Variants in TNRC6B observed in about 807,000 individuals in gnomAD.
TNRC6B encodes trinucleotide repeat-containing gene 6B protein.
Under a neutral mutation model 203.6 loss-of-function variants are expected in TNRC6B, and 52 were observed. That is an observed-to-expected ratio of 0.26 (90% CI 0.20 to 0.32). The LOEUF (loss-of-function observed/expected upper bound fraction) is 0.32, where lower values mean the gene tolerates loss of function less well. Ranked by LOEUF, TNRC6B falls within the 10% of genes least tolerant of loss-of-function variation. The pLI is 1.00. For synonymous variants in TNRC6B, 838 were observed against 845.7 expected (o/e 0.99, Z 0.16); for missense variants, 1,923 against 2,286.2 (o/e 0.84, Z 3.24).
At chr22:40,211,991 A>G (rs1004813375) in intron 1 of TNRC6B, among the ~76,000 whole-genome samples, 6 of 152,180 alleles carry the variant, frequency 3.9e-5, no homozygotes, top group Admixed American at 1.3e-4. Context: ...CGCTTTTGCA[A>G]TTACAAATGT....
At chr22:40,275,646 T>G (rs2070631359) in intron 7 of TNRC6B, among the ~76,000 whole-genome samples, 1 of 152,050 alleles carries the variant, frequency 6.6e-6, no homozygotes, top group Non-Finnish European at 1.5e-5. Flanking sequence ...CTCCCTCTAG[T>G]GAGGGCTTTT....
At chr22:40,237,346 T>C (rs1569033029) in intron 1 of TNRC6B, among the ~76,000 whole-genome samples, 1 of 151,914 alleles carries the variant, frequency 6.6e-6, no homozygotes, top group African/African-American at 2.4e-5. Flanking sequence ...GGTTGTGAGG[T>C]GAGGTAGGAC....
chr22:40,283,675 CAT>C (rs1339626438), intron 11 of TNRC6B, among the ~76,000 whole-genome samples: 1 of 152,074 alleles, frequency 6.6e-6, no homozygotes, highest in East Asian at 1.9e-4. Flanking sequence ...CCAGATATAT[CAT>C]AGTGCTTTGT....
At chr22:40,227,074 T>G (rs1400014031) in intron 1 of TNRC6B, among the ~76,000 whole-genome samples, 1 of 93,518 alleles carries the variant, frequency 1.1e-5, no homozygotes, top group Non-Finnish European at 2.1e-5. Flanking sequence ...CACACCCAGC[T>G]AATTATTATT....
At chr22:40,060,138 T>C (rs1200664692) in intron 1 of TNRC6B, among the ~76,000 whole-genome samples, 1 of 149,536 alleles carries the variant, frequency 6.7e-6, no homozygotes, top group Non-Finnish European at 1.5e-5. Context: ...CCATCATTTT[T>C]TTTTTCTTTT....
At position 40,334,804 on chromosome 22, in the gene TNRC6B, C is replaced by G. The variant is rs887458327; in HGVS notation, c.*11563C>G. 1.3e-5 allele frequency: 2 copies of G among 152,506 alleles called. No individual in the cohort carries two copies. Among genetic ancestry groups the G allele is most frequent in the Admixed American group, 6.5e-5 (1 of 15,278 alleles). The allele number at this position is 152,506 out of a possible 1,614,324, so 9.4% of individuals were successfully genotyped here. Reference sequence around the variant, plus strand: ...CTTCCTTCCTCCTCTCCTCCTCCCTCCACGTCTCTCTTTGCCCCCTTTAGA... The same window carrying G: ...CTTCCTTCCTCCTCTCCTCCTCCCTGCACGTCTCTCTTTGCCCCCTTTAGA... On this transcript the variant is annotated 3_prime_UTR_variant, in exon 23 of 23. Transcript: ENST00000454349.
At chr22:40,111,987 G>T (rs1016592768) in intron 1 of TNRC6B, among the ~76,000 whole-genome samples, 1 of 152,202 alleles carries the variant, frequency 6.6e-6, no homozygotes, top group African/African-American at 2.4e-5. Flanking sequence ...TGTAATTCCA[G>T]CTACTTGGGA....
At chr22:40,173,216 G>C (rs1219444690), upstream of TNRC6B, among the ~76,000 whole-genome samples, 4 of 151,910 alleles carry the variant, frequency 2.6e-5, no homozygotes, top group East Asian at 7.7e-4. Flanking sequence ...CCTGCCTCAG[G>C]TTCCCGAGTA....
rs7291606 is a variant in TNRC6B at position 40,255,902 on chromosome 22, G to T, written c.115+4702G>T. Among the ~76,000 whole-genome samples the T allele has an allele frequency of 2.5e-3, 382 of 152,210 alleles. 2 individuals carry two copies. The highest frequency in any genetic ancestry group is 8.0e-3 in the African/African-American group (334 of 41,522). On this transcript the variant is annotated intron_variant, in intron 3 of 22. Coordinates refer to ENST00000454349, the MANE Select transcript of TNRC6B (RefSeq NM_001162501.2). ...GAGTCTTGCTCTGTTGCCCCAGCTG[G>T]AGTGCAATGGCATGATCTTGGCTCA...
At position 40,177,928 on chromosome 22, in the gene TNRC6B, GAC is replaced by G; in HGVS notation, c.-206_-205del. 19 of 1,353,728 alleles carry G rather than the reference GAC, an allele frequency of 1.4e-5. No individual in the cohort carries two copies. The highest frequency in any genetic ancestry group is 1.8e-5 in the Non-Finnish European group (19 of 1,056,416). The allele number at this position is 1,353,728 out of a possible 1,614,324, so 83.9% of individuals were successfully genotyped here. ...GTCACAAAAAGCTGCTTCCTTTAGA[GAC>G]AGAGAGGGAGAGAGAGAGCAAGAGG... On this transcript the variant is annotated 5_prime_UTR_variant, in exon 1 of 23. Coordinates refer to ENST00000454349, the MANE Select transcript of TNRC6B (RefSeq NM_001162501.2).
At chr22:40,076,197 G>A (rs968013357) in intron 1 of TNRC6B, among the ~76,000 whole-genome samples, 4 of 152,188 alleles carry the variant, frequency 2.6e-5, no homozygotes, top group Non-Finnish European at 5.9e-5. Flanking sequence ...CAGGAGGATA[G>A]CTTGAGCCCA....
chr22:40,200,811 A>G (rs545435724), intron 1 of TNRC6B, among the ~76,000 whole-genome samples: 2 of 152,130 alleles, frequency 1.3e-5, no homozygotes, highest in East Asian at 3.8e-4. Flanking sequence ...CCCTGCCACT[A>G]GAGCTGCATG....
chr22:40,288,387 T>C (rs890413194), intron 12 of TNRC6B, among the ~76,000 whole-genome samples: 3 of 152,134 alleles, frequency 2.0e-5, no homozygotes, highest in African/African-American at 7.2e-5. Context: ...ATTTTTCAGC[T>C]GAGTAGTGAT....
In TNRC6B at chr22:40,103,788, A is replaced by G. The variant is rs547097856; in HGVS notation, c.-120-13267A>G. 7.2e-4 allele frequency among the ~76,000 whole-genome samples: 108 copies of G among 150,592 alleles called. 1 individual carries two copies. Among genetic ancestry groups the G allele is most frequent in the Non-Finnish European group, 1.4e-3 (98 of 67,650 alleles). On this transcript the variant is annotated intron_variant, in intron 1 of 23. Coordinates refer to the TNRC6B transcript ENST00000301923. ...CTCCCGAGTGACTGGGATTATAGGC[A>G]TGTGCCACCACACTCGGCTAATTTT...
chr22:40,183,037 G>GT (rs1224621917), intron 1 of TNRC6B, among the ~76,000 whole-genome samples: 1 of 148,096 alleles, frequency 6.8e-6, no homozygotes, highest in African/African-American at 2.6e-5. Flanking sequence ...GACCTTATCT[G>GT]TTTTCCTCAC....
At chr22:40,290,160 A>G (rs182282992) in intron 12 of TNRC6B, among the ~76,000 whole-genome samples, 4 of 152,324 alleles carry the variant, frequency 2.6e-5, no homozygotes, top group Non-Finnish European at 5.9e-5. Flanking sequence ...CGCACTGTCC[A>G]GTGTGATAGC....
At chr22:40,234,415 A>T in intron 1 of TNRC6B, among the ~76,000 whole-genome samples, 1 of 151,666 alleles carries the variant, frequency 6.6e-6, no homozygotes, top group African/African-American at 2.4e-5. Context: ...TATTTTCTTG[A>T]AAAGAAACAA....
intron 1 of TNRC6B, among the ~76,000 whole-genome samples, chr22:40,064,869 G>A (rs1017553003): frequency 1.3e-5 from 2 of 152,050 alleles, no homozygotes; most frequent in South Asian, 2.1e-4. Flanking sequence ...TGCCCACCTC[G>A]GCCTTCCAAA....
intron 3 of TNRC6B, among the ~76,000 whole-genome samples, chr22:40,253,381 C>T (rs1046950286): frequency 6.6e-6 from 1 of 151,830 alleles, no homozygotes; most frequent in African/African-American, 2.4e-5. Flanking sequence ...TGAGCCGCTG[C>T]ACCCAGCCTA....
Sources: allele counts gnomAD v4.1 joint callset (sites outside exome capture counted in the v4.1 genomes callset), GRCh38; gene constraint gnomAD v4.1.1; transcripts MANE v1.5; gene names NCBI Gene and HGNC (gene_info 2026-07-23, HGNC 2026-07-21).